ATCAY: variants seen among roughly 807,000 people sequenced by gnomAD.
The protein encoded by ATCAY is ATCAY kinesin light chain interacting caytaxin.
Under a neutral mutation model 47.7 loss-of-function variants are expected in ATCAY, and 22 were observed. The ratio of observed to expected loss-of-function variants is 0.46; its 90% CI spans 0.33 to 0.66. ATCAY has a LOEUF of 0.66. Ranked by LOEUF, ATCAY falls within the 30% of genes least tolerant of loss-of-function variation. ATCAY has a pLI of 0.02. For missense variants in ATCAY, 452 were observed against 515.0 expected (o/e 0.88, Z 1.18); for synonymous variants, 216 against 207.6 (o/e 1.04, Z -0.35).
intron 12 of ATCAY, among the ~76,000 whole-genome samples, chr19:3,924,132 G>A (rs150509474): frequency 1.4e-4 from 21 of 151,200 alleles, no homozygotes; most frequent in African/African-American, 4.9e-4. Context: ...GGATGTGTGG[G>A]TGGGTGGATG....
In ATCAY at chr19:3,917,611, GGAAGAAGAA is replaced by G. The variant is rs371877491; in HGVS notation, c.966-121_966-113del. On this transcript the variant is annotated intron_variant, in intron 9 of 12. Transcript: ENST00000450849. Reference sequence around the variant, plus strand: ...AAAAAAAAAAAAAAAAAAAAAAAAAGGAAGAAGAAGAAGAAGAAAAGAAAGAAAAAAGAG... The same window carrying G: ...AAAAAAAAAAAAAAAAAAAAAAAAAGGAAGAAGAAAAGAAAGAAAAAAGAG... The G allele has an allele frequency of 2.3e-4, 111 of 481,826 alleles. No individual in the cohort carries two copies. The South Asian group carries it at 3.0e-3, about 13-fold the overall frequency. 29.8% of individuals were successfully genotyped at this position (481,826 alleles called of 1,614,324 possible). A position where few individuals can be genotyped will look rare whatever the true frequency, so the allele number is the denominator to read the frequency against.
At position 3,907,853 on chromosome 19, in the gene ATCAY, G is replaced by A. The variant is rs374611192; in HGVS notation, c.478G>A (p.Gly160Arg). 36 of 1,613,820 alleles carry A rather than the reference G, an allele frequency of 2.2e-5. 1 individual carries two copies. Among genetic ancestry groups the A allele is most frequent in the African/African-American group, 4.0e-5 (3 of 74,940 alleles). Reference protein sequence around the residue: ...NGRLWRTVIIGEQEHRIDLHM... With the variant: ...NGRLWRTVIIREQEHRIDLHM... ...GCGCCTGTGGCGGACAGTGATCATC[G>A]GGGAGCAAGAGCACCGTATAGACCT... The change falls in exon 5 of 13, where the codon GGG becomes AGG. Residue 160 changes from glycine to arginine, a missense_variant. Physicochemically the swap from Gly to Arg is moderately radical, Grantham distance 125. Coordinates refer to ENST00000450849, the MANE Select transcript of ATCAY (RefSeq NM_033064.5). This position sits in a 1 kb window ranked among gnomAD's most constrained non-coding sequence, Gnocchi z 5.1.
rs1341879947 is a variant in ATCAY at position 3,921,904 on chromosome 19, A to AC, written c.1106+1106_1106+1107insC. 1.3e-4 allele frequency among the ~76,000 whole-genome samples: 20 copies of AC among 151,684 alleles called. 1 individual carries two copies. The highest frequency in any genetic ancestry group is 1.3e-3 in the Admixed American group (19 of 15,176). ...AGAGCAAGACTCTGTTTAAAAAAAA[A>AC]AAAACAAAAAAACAAAAAACTTAAC... On this transcript the variant is annotated intron_variant, in intron 12 of 12. Coordinates refer to ENST00000450849, the MANE Select transcript of ATCAY (RefSeq NM_033064.5).
At chr19:3,893,237 G>A (rs1035748790) in intron 2 of ATCAY, among the ~76,000 whole-genome samples, 5 of 145,872 alleles carry the variant, frequency 3.4e-5, no homozygotes, top group Non-Finnish European at 5.9e-5. Context: ...GCAGTAGCAT[G>A]ATCTCAGCTC....
At chr19:3,887,712 G>A (rs533408686) in intron 2 of ATCAY, among the ~76,000 whole-genome samples, 6 of 149,892 alleles carry the variant, frequency 4.0e-5, no homozygotes, top group East Asian at 2.1e-4. Context: ...GGTCTCGATC[G>A]TCTGACCTCG....
Position 3,918,798 on chromosome 19 carries a change from G to T in ATCAY, c.1002-8G>T. On this transcript the variant is annotated splice_region_variant and splice_polypyrimidine_tract_variant and intron_variant, in intron 10 of 12. Coordinates refer to ENST00000450849, the MANE Select transcript of ATCAY (RefSeq NM_033064.5). ...TCACCCTTGTCACCTCGTTCTCTCT[G>T]TCCACAGCGCGAGGCCCCAGCCGGA... 6.2e-7 allele frequency: 1 copy of T among 1,613,908 alleles called. No homozygotes were observed.
rs772302972 is a variant in ATCAY, at chr19:3,918,912, C to T, written c.1073+35C>T. Reference sequence around the variant, plus strand: ...CAGGGGACCATGGGCAGAGAGCTGACAGTCACGGGAGGCTGCCTACTCCCT... The same window carrying T: ...CAGGGGACCATGGGCAGAGAGCTGATAGTCACGGGAGGCTGCCTACTCCCT... On this transcript the variant is annotated intron_variant, in intron 11 of 12. Transcript: ENST00000450849. 9 of 1,612,264 alleles carry T rather than the reference C, an allele frequency of 5.6e-6. No homozygotes were observed. In the South Asian group the frequency reaches 9.9e-5, roughly 18 times the overall value.
At chr19:3,913,324 G>A (rs541443134) in intron 8 of ATCAY, among the ~76,000 whole-genome samples, 283 of 152,288 alleles carry the variant, frequency 1.9e-3, no homozygotes, top group Non-Finnish European at 3.2e-3. Context: ...GGGCAGCCCC[G>A]TGTGCCCCCT....
intron 3 of ATCAY, 120 bp downstream of exon 3, chr19:3,902,665 C>A: frequency 8.7e-7 from 1 of 1,143,314 alleles, no homozygotes; most frequent in Non-Finnish European, 1.2e-6. Flanking sequence ...AATGTTCTGT[C>A]CTGGGGTCTA....
intron 6 of ATCAY, among the ~76,000 whole-genome samples, chr19:3,908,624 G>GTCC (rs144785071): frequency 3.1e-5 from 3 of 98,298 alleles, no homozygotes; most frequent in Non-Finnish European, 4.2e-5. Flanking sequence ...CCTCCTCACT[G>GTCC]TCCTCCTCCT....
Position 3,924,626 on chromosome 19 carries a change from G to A in ATCAY, c.*34G>A. On this transcript the variant is annotated 3_prime_UTR_variant, in exon 13 of 13. Coordinates refer to ENST00000450849, the MANE Select transcript of ATCAY (RefSeq NM_033064.5). ...GAGCATAACAAAGGACATGGAAGAAGATTCCAGATGCCAGAAAACCTCTGT... is the reference window on the plus strand; with the variant it reads ...GAGCATAACAAAGGACATGGAAGAAAATTCCAGATGCCAGAAAACCTCTGT... 6.2e-7 allele frequency: 1 copy of A among 1,612,906 alleles called. No homozygotes were observed. The highest frequency in any genetic ancestry group is 2.2e-5 in the East Asian group (1 of 44,854).
chr19:3,889,077 C>T (rs1043776621), intron 2 of ATCAY, among the ~76,000 whole-genome samples: 4 of 152,086 alleles, frequency 2.6e-5, no homozygotes, highest in Non-Finnish European at 4.4e-5. Context: ...TGAGATTAGC[C>T]TGGGCAACAT....
chr19:3,901,939 T>G (rs1163670805), intron 2 of ATCAY, among the ~76,000 whole-genome samples: 2 of 151,852 alleles, frequency 1.3e-5, no homozygotes, highest in Non-Finnish European at 2.9e-5. Flanking sequence ...GAGGTTGCCG[T>G]GAGCCGAGAT....
intron 1 of ATCAY, among the ~76,000 whole-genome samples, chr19:3,881,246 T>G (rs775196073): frequency 1.3e-5 from 2 of 151,948 alleles, no homozygotes; most frequent in African/African-American, 2.4e-5. Flanking sequence ...CCCCTCTAAG[T>G]GCACCATTTT....
At chr19:3,890,891 C>T (rs886906525) in intron 2 of ATCAY, among the ~76,000 whole-genome samples, 13 of 152,136 alleles carry the variant, frequency 8.5e-5, no homozygotes, top group Non-Finnish European at 1.6e-4. Flanking sequence ...GGTGCAGGTC[C>T]AGCTGCGGCC....
At chr19:3,908,098 G>A (rs376556018) in intron 5 of ATCAY, among the ~76,000 whole-genome samples, 170 bp from the exon 6 acceptor site, 18 of 152,320 alleles carry the variant, frequency 1.2e-4, no homozygotes, top group African/African-American at 4.3e-4. Context: ...CCTGATGGTC[G>A]CTGTCACTCC....
rs2145253950 is a variant in ATCAY, at chr19:3,911,786, A to G, written c.866+897A>G. 2.0e-5 allele frequency among the ~76,000 whole-genome samples: 3 copies of G among 152,310 alleles called. No individual in the cohort carries two copies. The South Asian group carries it at 6.2e-4, about 32-fold the overall frequency. ...ATTCCTAATGTTCACGTTCCCAGTT[A>G]CAAATCTGGGATGAGCGAAAGAGAC... is the stretch of plus-strand genomic sequence containing the variant. On this transcript the variant is annotated intron_variant, in intron 8 of 12. Transcript: ENST00000450849.
chr19:3,904,658 A>G (rs1162690154), intron 3 of ATCAY, among the ~76,000 whole-genome samples: 1 of 150,284 alleles, frequency 6.7e-6, no homozygotes, highest in Non-Finnish European at 1.5e-5. Flanking sequence ...ACACACACAC[A>G]CGTCCTATTG....
At position 3,907,701 on chromosome 19, in the gene ATCAY, G is replaced by A. The variant is rs145562443; in HGVS notation, c.359-33G>A. The A allele has an allele frequency of 5.0e-6, 8 of 1,611,904 alleles. No homozygotes were observed. Among genetic ancestry groups the A allele is most frequent in the East Asian group, 2.2e-5 (1 of 44,868 alleles). ...GAGGGCAGGAGATATCCGGACTCTG[G>A]CGTCCATGCGACTCTCCGCCACCTG... On this transcript the variant is annotated intron_variant, in intron 4 of 12. Coordinates refer to ENST00000450849, the MANE Select transcript of ATCAY (RefSeq NM_033064.5). This position sits in a 1 kb window ranked among gnomAD's most constrained non-coding sequence, Gnocchi z 5.1.
Sources: allele counts gnomAD v4.1 joint callset (sites outside exome capture counted in the v4.1 genomes callset), GRCh38; gene constraint gnomAD v4.1.1; non-coding constraint Gnocchi (gnomAD v3.1); transcripts MANE v1.5; gene names NCBI Gene and HGNC (gene_info 2026-07-23, HGNC 2026-07-21).